The following IGF2R variants were observed in gnomAD, a reference collection of about 807,000 sequenced individuals.
IGF2R encodes the protein cation-independent mannose-6-phosphate receptor.
Under a neutral mutation model 270.6 loss-of-function variants are expected in IGF2R, and 91 were observed. That is an observed-to-expected ratio of 0.34 (90% confidence interval 0.28 to 0.40). IGF2R has a LOEUF of 0.40. Among genes scored for constraint, IGF2R ranks in the 10% least tolerant of loss-of-function variants. IGF2R has a pLI of 1.00. For missense variants in IGF2R, 2,805 were observed against 3,188.3 expected, an observed-to-expected ratio of 0.88 and a Z score of 2.90; for synonymous variants, 1,316 against 1,258.9, an observed-to-expected ratio of 1.05 and a Z score of -0.96.
intron 1 of IGF2R, among the ~76,000 whole-genome samples, chr6:159,972,605 G>A (rs890866007): frequency 2.0e-5 from 3 of 152,226 alleles, no homozygotes; most frequent in Admixed American, 6.5e-5. Flanking sequence ...AGACCCACAA[G>A]AGGGACATGA....
chr6:160,043,950 G>C (rs1261827486), intron 12 of IGF2R, among the ~76,000 whole-genome samples: 5 of 152,186 alleles, frequency 3.3e-5, no homozygotes, highest in Non-Finnish European at 7.3e-5. Context: ...GCAGGTTCAG[G>C]CATGTCCATG....
intron 4 of IGF2R, among the ~76,000 whole-genome samples, chr6:160,017,739 A>G (rs189013624): frequency 6.6e-6 from 1 of 152,294 alleles, no homozygotes; most frequent in East Asian, 1.9e-4. Flanking sequence ...TCAACCCTGA[A>G]TTTTGTATCC....
intron 1 of IGF2R, among the ~76,000 whole-genome samples, chr6:159,973,760 C>T (rs926965917): frequency 6.6e-6 from 1 of 152,196 alleles, no homozygotes; most frequent in Non-Finnish European, 1.5e-5. Context: ...TTGGGCCTCA[C>T]GTCTTTTGTC....
In IGF2R at chr6:160,027,256, C is replaced by T. The variant is rs1210998794; in HGVS notation, c.718C>T (p.His240Tyr). The T allele has an allele frequency of 6.2e-7, 1 of 1,614,030 alleles. No individual in the cohort carries two copies. Among genetic ancestry groups the T allele is most frequent in the Non-Finnish European group, 8.5e-7 (1 of 1,179,986 alleles). The change falls in exon 6 of 48, where the codon CAC (histidine) becomes TAC (tyrosine). Residue 240 changes from histidine to tyrosine, a missense_variant. Around this residue, in one of 2 missense-constraint regions of IGF2R, gnomAD observed 954 missense variants for 981.1 expected, o/e 0.97. Transcript: ENST00000356956. ...PGTAACLVRG[H>Y]QAFDVGQPRD... is the part of the protein sequence containing the mutation. ...CACTGCCGCCTGCCTGGTAAGAGGACACCAGGCGTTTGATGTTGGCCAGCC... is the reference window on the plus strand; with the variant it reads ...CACTGCCGCCTGCCTGGTAAGAGGATACCAGGCGTTTGATGTTGGCCAGCC...
intron 29 of IGF2R, among the ~76,000 whole-genome samples, chr6:160,066,515 A>C (rs942115433): frequency 1.3e-5 from 2 of 152,214 alleles, no homozygotes; most frequent in African/African-American, 4.8e-5. Flanking sequence ...AGAATTTTAT[A>C]ATCTCATAAT....
intron 1 of IGF2R, among the ~76,000 whole-genome samples, chr6:159,975,404 C>T (rs192006697): frequency 6.6e-6 from 1 of 152,268 alleles, no homozygotes; most frequent in Admixed American, 6.5e-5. Flanking sequence ...TATTTGGAAG[C>T]TCCCCCAACC....
chr6:160,016,052 C>A (rs941399292), intron 4 of IGF2R, among the ~76,000 whole-genome samples: 1 of 152,126 alleles, frequency 6.6e-6, no homozygotes, highest in Admixed American at 6.5e-5. Flanking sequence ...TATAAATTAC[C>A]CAGTCTCAGG....
Position 159,978,068 on chromosome 6 carries a change from G to A in IGF2R, c.149+8673G>A, listed in dbSNP as rs2115169576. Among the ~76,000 whole-genome samples, 3 of 152,232 alleles carry A rather than the reference G, an allele frequency of 2.0e-5. No homozygotes were observed. The South Asian group carries it at 6.2e-4, about 32-fold the overall frequency. On this transcript the variant is annotated intron_variant, in intron 1 of 47. Transcript: ENST00000356956. ...CATCAGGGATTTATTTTTATAACCT[G>A]TTTCTCGCCCTCCCAGAGCTCTCCA...
chr6:159,983,885 C>CATGGAAAT (rs1214990501), intron 1 of IGF2R, among the ~76,000 whole-genome samples: 8 of 152,148 alleles, frequency 5.3e-5, no homozygotes, highest in Non-Finnish European at 1.2e-4. Flanking sequence ...ATATTATTTC[C>CATGGAAAT]ATGGAAACCA....
Position 160,029,639 on chromosome 6 carries a change from C to A in IGF2R, c.866C>A (p.Pro289Gln). Residue 289 changes from proline to glutamine, a missense_variant, in exon 7 of 48, where the codon CCG becomes CAG. This residue lies in a region of IGF2R where 954 missense variants were observed against 981.1 expected (regional missense o/e 0.97). Transcript: ENST00000356956. The stretch of plus-strand genomic sequence containing the variant: ...GCGGTGACTATTACATTTGTTTGCC[C>A]GTCGGAGCGGAGAGAGGTAAGTGAC... ...SPAVTITFVC[P>Q]SERREGTIPK... 1 of 1,612,836 alleles carries A rather than the reference C, an allele frequency of 6.2e-7. No homozygotes were observed. Among genetic ancestry groups the A allele is most frequent in the Non-Finnish European group, 8.5e-7 (1 of 1,178,902 alleles).
chr6:160,046,455 C>T (rs371819582), intron 14 of IGF2R, 43 bp from the exon 15 acceptor site: 15 of 1,571,258 alleles, frequency 9.5e-6, no homozygotes, highest in African/African-American at 6.9e-5. Flanking sequence ...TGTTAACTGT[C>T]GGACTGACCT....
intron 10 of IGF2R, among the ~76,000 whole-genome samples, chr6:160,035,861 G>A (rs992321025): frequency 6.6e-6 from 1 of 152,212 alleles, no homozygotes; most frequent in South Asian, 2.1e-4. Context: ...ACCGAGGTCA[G>A]CTGGCTGGGG....
intron 29 of IGF2R, among the ~76,000 whole-genome samples, chr6:160,065,593 T>C (rs1207592135): frequency 6.6e-6 from 1 of 151,952 alleles, no homozygotes; most frequent in Non-Finnish European, 1.5e-5. Context: ...ATTTTGTAAA[T>C]ATTTTCATGT....
chr6:160,062,384 G>A, intron 25 of IGF2R, 148 bp from the exon 26 acceptor site: 1 of 650,644 alleles, frequency 1.5e-6, no homozygotes. Flanking sequence ...ATCTTGGCCA[G>A]GCTGATCTTG....
intron 6 of IGF2R, among the ~76,000 whole-genome samples, chr6:160,027,740 G>C (rs1777594613): frequency 6.6e-6 from 1 of 152,250 alleles, no homozygotes; most frequent in South Asian, 2.1e-4. Context: ...TTGGTTCCCA[G>C]TGGGGAATGG....
At chr6:160,090,131 A>G in intron 44 of IGF2R, 28 bp downstream of exon 44, 1 of 1,419,742 alleles carries the variant, frequency 7.0e-7, no homozygotes, top group Non-Finnish European at 9.3e-7. Context: ...ACAAAGTTCC[A>G]CATTTAACTT....
At chr6:160,012,449 C>T (rs1484728197) in intron 4 of IGF2R, among the ~76,000 whole-genome samples, 1 of 152,128 alleles carries the variant, frequency 6.6e-6, no homozygotes, top group Non-Finnish European at 1.5e-5. Flanking sequence ...GGAGAAGCCT[C>T]AGGAAACTTA....
chr6:160,069,429 A>G (rs1259270827), intron 30 of IGF2R, among the ~76,000 whole-genome samples: 1 of 152,144 alleles, frequency 6.6e-6, no homozygotes, highest in East Asian at 1.9e-4. Flanking sequence ...CCCCTGTGGC[A>G]TGGGACTAGT....
intron 2 of IGF2R, 150 bp downstream of exon 2, chr6:159,991,473 A>T: frequency 1.5e-6 from 1 of 670,794 alleles, no homozygotes; most frequent in Non-Finnish European, 2.4e-6. Context: ...CACATTTGTT[A>T]GTAGTTAAAA....
Sources: allele counts gnomAD v4.1 joint callset (sites outside exome capture counted in the v4.1 genomes callset), GRCh38; gene constraint gnomAD v4.1.1; regional missense constraint gnomAD v4.1.1; transcripts MANE v1.5; gene names NCBI Gene and HGNC (gene_info 2026-07-23, HGNC 2026-07-21).